Variants in PCBP3 observed in about 807,000 individuals in gnomAD.
The protein encoded by PCBP3 is poly(rC)-binding protein 3.
In PCBP3, 25 loss-of-function variants were observed where a neutral mutation model predicts 52.7. The ratio of observed to expected loss-of-function variants is 0.47; its 90% confidence interval spans 0.35 to 0.66. The LOEUF (loss-of-function observed/expected upper bound fraction) is 0.66. Ranked by LOEUF, PCBP3 falls within the 30% of genes least tolerant of loss-of-function variation. The pLI, the probability that PCBP3 is intolerant of heterozygous loss-of-function variation, is 0.01. For missense variants in PCBP3, 391 were observed against 490.3 expected (o/e 0.80, Z 1.91); for synonymous variants, 162 against 183.0 (o/e 0.89, Z 0.93).
At chr21:45,697,011 C>G (rs909434869) in intron 2 of PCBP3, among the ~76,000 whole-genome samples, 8 of 152,154 alleles carry the variant, frequency 5.3e-5, no homozygotes, top group Non-Finnish European at 8.8e-5. Context: ...GGATGTGGAA[C>G]AACTGAATTC....
chr21:45,655,375 C>T (rs1465408390), intron 1 of PCBP3, among the ~76,000 whole-genome samples: 1 of 151,870 alleles, frequency 6.6e-6, no homozygotes, highest in Non-Finnish European at 1.5e-5. Context: ...ATTTTATATT[C>T]CCATCAGTAA....
chr21:45,873,483 C>A (rs873991), intron 5 of PCBP3: 40,730 of 151,924 alleles, frequency 0.27, 8,048 homozygotes, highest in African/African-American at 0.56. Flanking sequence ...CTGCCCTTCT[C>A]CCCCGCCTCC....
At chr21:45,875,976 G>T (rs750379356) in intron 5 of PCBP3, among the ~76,000 whole-genome samples, 6 of 152,214 alleles carry the variant, frequency 3.9e-5, no homozygotes, top group African/African-American at 1.4e-4. Context: ...CGCATCCCCG[G>T]TGCCGTGTGG....
At position 45,795,359 on chromosome 21, in the gene PCBP3, C is replaced by G. The variant is rs183664378; in HGVS notation, c.-126+39907C>G. Among the ~76,000 whole-genome samples, 630 of 148,328 alleles carry G rather than the reference C, an allele frequency of 4.2e-3. 7 individuals carry two copies. The highest frequency in any genetic ancestry group is 0.015 in the African/African-American group (603 of 40,166). On this transcript the variant is annotated intron_variant, in intron 4 of 17. Coordinates refer to ENST00000681687, the MANE Select transcript of PCBP3 (RefSeq NM_001384156.1). ...TTCCTTTCTTTTCTTTACCTTCTCT[C>G]TCTCTCTCCAGGACCATTCACAAAT...
intron 5 of PCBP3, among the ~76,000 whole-genome samples, chr21:45,889,985 A>T (rs1468267870): frequency 6.6e-6 from 1 of 152,232 alleles, no homozygotes; most frequent in Non-Finnish European, 1.5e-5. Flanking sequence ...CAATGACCCC[A>T]TTCCTCCAGT....
intron 2 of PCBP3, among the ~76,000 whole-genome samples, chr21:45,693,343 A>G (rs2082592570): frequency 6.6e-6 from 1 of 152,264 alleles, no homozygotes; most frequent in Non-Finnish European, 1.5e-5. Context: ...AAAAGAGTTT[A>G]TAGTATATGA....
At chr21:45,655,259 CTT>C (rs1359418873) in intron 1 of PCBP3, among the ~76,000 whole-genome samples, 1 of 151,874 alleles carries the variant, frequency 6.6e-6, no homozygotes, top group Admixed American at 6.6e-5. Flanking sequence ...CTCTGTTTAA[CTT>C]TTTGAATAAC....
At chr21:45,679,309 C>T (rs1438829784) in intron 2 of PCBP3, among the ~76,000 whole-genome samples, 2 of 151,832 alleles carry the variant, frequency 1.3e-5, no homozygotes, top group Non-Finnish European at 2.9e-5. Context: ...TTAGTAGAGA[C>T]GAGGTTTCGC....
intron 4 of PCBP3, among the ~76,000 whole-genome samples, chr21:45,841,818 C>T (rs1281411528): frequency 3.3e-5 from 5 of 152,176 alleles, no homozygotes; most frequent in African/African-American, 1.2e-4. Flanking sequence ...TCTGTTATTA[C>T]GGTGAAATAT....
intron 3 of PCBP3, among the ~76,000 whole-genome samples, chr21:45,743,362 A>G (rs1280859416): frequency 6.6e-6 from 1 of 152,232 alleles, no homozygotes; most frequent in Non-Finnish European, 1.5e-5. Flanking sequence ...TCTGGTATAT[A>G]TTCTTCATTA....
chr21:45,886,627 TG>T (rs2095531303), intron 5 of PCBP3, among the ~76,000 whole-genome samples: 2 of 13,774 alleles, frequency 1.5e-4, no homozygotes, highest in African/African-American at 6.6e-4. Context: ...GAGGCCTCAT[TG>T]CCCCGGGTAC....
At chr21:45,682,059 T>C (rs1209294301) in intron 2 of PCBP3, among the ~76,000 whole-genome samples, 1 of 152,128 alleles carries the variant, frequency 6.6e-6, no homozygotes. Context: ...CTGAAAAAAG[T>C]ACTTGAAGAA....
chr21:45,755,667 G>T (rs1353385378), intron 4 of PCBP3, among the ~76,000 whole-genome samples: 1 of 152,140 alleles, frequency 6.6e-6, no homozygotes, highest in Admixed American at 6.5e-5. Context: ...CATTTTCCTG[G>T]TGACATGTGA....
intron 4 of PCBP3, among the ~76,000 whole-genome samples, chr21:45,820,706 G>A (rs531956327): frequency 6.6e-6 from 1 of 152,340 alleles, no homozygotes; most frequent in Admixed American, 6.5e-5. Flanking sequence ...AGAGGAGGGA[G>A]TTCCTGGGAC....
intron 9 of PCBP3, among the ~76,000 whole-genome samples, chr21:45,902,790 T>A (rs191521680): frequency 6.6e-6 from 1 of 152,234 alleles, no homozygotes; most frequent in Non-Finnish European, 1.5e-5. Context: ...GACGCCAGCA[T>A]GGCTGGCCAG....
chr21:45,713,101 G>C (rs1334658931), intron 2 of PCBP3, among the ~76,000 whole-genome samples: 1 of 152,130 alleles, frequency 6.6e-6, no homozygotes, highest in East Asian at 1.9e-4. Flanking sequence ...CCAGCTTCTA[G>C]GACCACGTGG....
intron 4 of PCBP3, among the ~76,000 whole-genome samples, chr21:45,846,441 T>A (rs968199395): frequency 6.6e-6 from 1 of 150,826 alleles, no homozygotes; most frequent in Non-Finnish European, 1.5e-5. Context: ...TTTTTTTTTT[T>A]AACGAATGTT....
At chr21:45,873,632 T>C (rs1161183015) in intron 5 of PCBP3, among the ~76,000 whole-genome samples, 1 of 151,952 alleles carries the variant, frequency 6.6e-6, no homozygotes, top group Non-Finnish European at 1.5e-5. Context: ...GATGAGGGGG[T>C]TCAGGTTTCA....
rs1273914896 is a variant in PCBP3 at position 45,837,573 on chromosome 21, G to A, written c.-125-12388G>A. Among the ~76,000 whole-genome samples, 1 of 152,232 alleles carries A rather than the reference G, an allele frequency of 6.6e-6. No individual in the cohort carries two copies. Among genetic ancestry groups the A allele is most frequent in the African/African-American group, 2.4e-5 (1 of 41,454 alleles). On this transcript the variant is annotated intron_variant, in intron 4 of 17. Coordinates refer to ENST00000681687, the MANE Select transcript of PCBP3 (RefSeq NM_001384156.1). The surrounding 1 kb of genome is among the most constrained non-coding windows in gnomAD (Gnocchi z 4.1). The stretch of plus-strand genomic sequence containing the variant: ...GCCCTGGGTTGTCTGCCTCTTGGGG[G>A]TAGCGGCTGTGTGGAATGCCTGCGT...
Sources: gnomAD v4.1 joint callset for allele counts (sites outside exome capture counted in the v4.1 genomes callset) on GRCh38, gnomAD v4.1.1 for gene constraint, Gnocchi (gnomAD v3.1) non-coding constraint, MANE v1.5 for transcripts, NCBI Gene and HGNC (gene_info 2026-07-23, HGNC 2026-07-21) for gene names.